FAF1: variants seen among roughly 807,000 people sequenced by gnomAD.
FAF1 encodes FAS-associated factor 1.
Under a neutral mutation model 92.5 loss-of-function variants are expected in FAF1, and 25 were observed. That is an observed-to-expected ratio of 0.27 (90% CI 0.20 to 0.38). FAF1 has a LOEUF of 0.38. Ranked by LOEUF, FAF1 falls within the 10% of genes least tolerant of loss-of-function variation. The pLI, the probability that FAF1 is intolerant of heterozygous loss-of-function variation, is 1.00. For synonymous variants in FAF1, 234 were observed against 273.2 expected (o/e 0.86, Z 1.42); for missense variants, 636 against 793.3 (o/e 0.80, Z 2.38).
At chr1:50,511,871 AGT>A (rs1376639904) in intron 15 of FAF1, among the ~76,000 whole-genome samples, 1 of 152,212 alleles carries the variant, frequency 6.6e-6, no homozygotes, top group Non-Finnish European at 1.5e-5. Flanking sequence ...ACAGTGTAAA[AGT>A]GTTCCTATTT....
intron 4 of FAF1, among the ~76,000 whole-genome samples, chr1:50,752,260 C>G: frequency 6.6e-6 from 1 of 152,086 alleles, no homozygotes; most frequent in East Asian, 1.9e-4. Flanking sequence ...GTGTGAGCCA[C>G]CATGCCAGGC....
chr1:50,724,300 C>CACACACACACACAT (rs1658547816), intron 6 of FAF1, among the ~76,000 whole-genome samples: 1 of 131,528 alleles, frequency 7.6e-6, no homozygotes, highest in African/African-American at 3.1e-5. Context: ...CACACATACA[C>CACACACACACACAT]ACACACACAC....
At chr1:50,742,183 G>A (rs989463734) in intron 5 of FAF1, among the ~76,000 whole-genome samples, 3 of 151,010 alleles carry the variant, frequency 2.0e-5, no homozygotes, top group Non-Finnish European at 4.4e-5. Flanking sequence ...CAGGCGTGGT[G>A]CACATCTATA....
Position 50,788,178 on chromosome 1 carries a change from T to C in FAF1, c.189A>G (p.Gly63=). Residue 63 remains glycine, a synonymous_variant, in exon 4 of 19, where the codon GGA becomes GGG. Transcript: ENST00000396153. The part of the protein sequence containing the change: ...QSEYGGETIP[G]PAFNPASHPA... Reference sequence around the variant, plus strand: ...GATGACTTGCTGGATTAAATGCAGGTCCTGGTATGGTCTCACCTCCATATT... The same window carrying C: ...GATGACTTGCTGGATTAAATGCAGGCCCTGGTATGGTCTCACCTCCATATT... 6.2e-7 allele frequency: 1 copy of C among 1,614,108 alleles called. No homozygotes were observed. Among genetic ancestry groups the C allele is most frequent in the African/African-American group, 1.3e-5 (1 of 75,050 alleles).
intron 15 of FAF1, among the ~76,000 whole-genome samples, chr1:50,508,065 T>C (rs1171040635): frequency 1.3e-5 from 2 of 152,114 alleles, no homozygotes; most frequent in South Asian, 2.1e-4. Context: ...AGGATGACTT[T>C]TGTTTTTTAA....
intron 6 of FAF1, among the ~76,000 whole-genome samples, chr1:50,708,581 C>T (rs992430866): frequency 1.3e-5 from 2 of 151,540 alleles, no homozygotes; most frequent in African/African-American, 4.8e-5. Flanking sequence ...TAAGAGAGCC[C>T]AGAGCAGGAG....
At chr1:50,909,091 A>C (rs1644862860) in intron 1 of FAF1, among the ~76,000 whole-genome samples, 1 of 152,056 alleles carries the variant, frequency 6.6e-6, no homozygotes, top group Admixed American at 6.6e-5. Flanking sequence ...ATCTCTCAGC[A>C]TTTGCTTGTC....
chr1:50,907,073 A>T (rs1644845255), intron 1 of FAF1, among the ~76,000 whole-genome samples: 1 of 152,192 alleles, frequency 6.6e-6, no homozygotes, highest in Admixed American at 6.5e-5. Context: ...TAGTTTATTG[A>T]GAGTTTTTAG....
At chr1:50,701,183 T>C (rs961909807) in intron 7 of FAF1, among the ~76,000 whole-genome samples, 3 of 152,086 alleles carry the variant, frequency 2.0e-5, no homozygotes, top group Non-Finnish European at 2.9e-5. Context: ...TTTTAAAAAA[T>C]CAAACTATAA....
chr1:50,483,085 T>C (rs1167838841), intron 17 of FAF1, among the ~76,000 whole-genome samples: 1 of 152,196 alleles, frequency 6.6e-6, no homozygotes, highest in Non-Finnish European at 1.5e-5. Context: ...TTCTCCTACG[T>C]TTTCTTCTGG....
intron 2 of FAF1, among the ~76,000 whole-genome samples, chr1:50,829,553 G>A (rs1419870640): frequency 6.6e-6 from 1 of 152,162 alleles, no homozygotes. Context: ...AAGGAAAACA[G>A]GCATGTGTGC....
intron 7 of FAF1, among the ~76,000 whole-genome samples, chr1:50,680,831 T>C (rs749334647): frequency 6.6e-6 from 1 of 152,182 alleles, no homozygotes; most frequent in Non-Finnish European, 1.5e-5. Context: ...TCGAGAGTTT[T>C]CATCTGTTTC....
intron 8 of FAF1, among the ~76,000 whole-genome samples, chr1:50,627,411 A>G (rs1653556938): frequency 6.6e-6 from 1 of 152,174 alleles, no homozygotes. Flanking sequence ...TAAATAGCCC[A>G]GAAGTGAAAA....
chr1:50,584,041 T>C (rs932078581), intron 10 of FAF1, among the ~76,000 whole-genome samples: 3 of 152,134 alleles, frequency 2.0e-5, no homozygotes, highest in Non-Finnish European at 4.4e-5. Context: ...AATAGACATC[T>C]TGTGACTAAA....
At chr1:50,482,467 T>G (rs1341303338) in intron 17 of FAF1, among the ~76,000 whole-genome samples, 2 of 152,130 alleles carry the variant, frequency 1.3e-5, no homozygotes, top group Non-Finnish European at 2.9e-5. Context: ...GTAAACTGCT[T>G]TATGTGAAAG....
intron 7 of FAF1, among the ~76,000 whole-genome samples, chr1:50,663,484 C>T (rs950999581): frequency 5.4e-5 from 8 of 148,684 alleles, no homozygotes; most frequent in African/African-American, 2.0e-4. Flanking sequence ...CTCACTGCAA[C>T]CTCCGCCTCC....
chr1:50,867,972 A>G (rs538810665), intron 1 of FAF1, among the ~76,000 whole-genome samples: 4 of 152,304 alleles, frequency 2.6e-5, no homozygotes, highest in African/African-American at 9.6e-5. Flanking sequence ...TGTGGTATAT[A>G]TATCCCATGG....
intron 15 of FAF1, among the ~76,000 whole-genome samples, chr1:50,501,073 T>C (rs1383065985): frequency 6.6e-6 from 1 of 152,188 alleles, no homozygotes; most frequent in Non-Finnish European, 1.5e-5. Flanking sequence ...TGAAATAAGT[T>C]GGTATTTATG....
chr1:50,464,582 G>A (rs1277620708), intron 18 of FAF1, among the ~76,000 whole-genome samples: 1 of 152,194 alleles, frequency 6.6e-6, no homozygotes, highest in African/African-American at 2.4e-5. Flanking sequence ...GTCATATTAA[G>A]AATGAAGAAT....
Sources: allele counts gnomAD v4.1 joint callset (sites outside exome capture counted in the v4.1 genomes callset), GRCh38; gene constraint gnomAD v4.1.1; transcripts MANE v1.5; gene names NCBI Gene and HGNC (gene_info 2026-07-23, HGNC 2026-07-21).